NME1: variants seen among roughly 807,000 people sequenced by gnomAD.
NME1 encodes the protein NME/NM23 nucleoside diphosphate kinase 1.
In NME1, 9 loss-of-function variants were observed where a neutral mutation model predicts 17.2. The observed-to-expected ratio is 0.52, with a 90% CI of 0.32 to 0.92. The LOEUF is 0.92. NME1 is among the 40% of genes least tolerant of loss of function. The pLI, the probability that NME1 is intolerant of heterozygous loss-of-function variation, is 0.04. For missense variants in NME1, 169 were observed against 201.7 expected, an observed-to-expected ratio of 0.84 and a Z score of 0.98; for synonymous variants, 72 against 70.8, an observed-to-expected ratio of 1.02 and a Z score of -0.09.
rs766908892 is a variant in NME1, at chr17:51,161,245, G to A, written c.314G>A (p.Arg105His). The A allele has an allele frequency of 3.7e-6, 6 of 1,611,982 alleles. No homozygotes were observed. In the Admixed American group the frequency reaches 5.0e-5, roughly 14 times the overall value. Residue 105 changes from arginine to histidine, a missense_variant, in exon 4 of 5, where the codon CGT becomes CAT. Arg to His is a conservative substitution (Grantham distance 29, BLOSUM62 0). Transcript: ENST00000393196. ...GCAGACTCCAAGCCTGGGACCATCC[G>A]TGGAGACTTCTGCATACAAGTTGGC... ...NPADSKPGTI[R>H]GDFCIQVGRN...
At chr17:51,161,031 A>C (rs938717321) in intron 3 of NME1, 129 bp from the exon 4 acceptor site, 3 of 938,956 alleles carry the variant, frequency 3.2e-6, no homozygotes, top group Non-Finnish European at 5.1e-6. Flanking sequence ...ATACTCTATA[A>C]ACATTTGTTC....
intron 1 of NME1, among the ~76,000 whole-genome samples, chr17:51,154,978 G>T (rs117952228): frequency 6.6e-6 from 1 of 152,106 alleles, no homozygotes; most frequent in African/African-American, 2.4e-5. Flanking sequence ...TGGGGCTCAC[G>T]CCTTTAATCC....
chr17:51,156,080 TGA>T, intron 2 of NME1: 1 of 368,054 alleles, frequency 2.7e-6, no homozygotes, highest in East Asian at 6.9e-5. Context: ...TGAGCATGTT[TGA>T]GTTCTTGGTC....
In NME1 at chr17:51,161,976, A is replaced by T. The variant is rs1183047082; in HGVS notation, c.*131A>T. On this transcript the variant is annotated 3_prime_UTR_variant, in exon 5 of 5. Coordinates refer to ENST00000393196, the MANE Select transcript of NME1 (RefSeq NM_000269.3). ...TTGGAGGGAAGCTCTTGGAGCTGTG[A>T]GTTCTCCCTGTACAGTGTTACCATC... The T allele has an allele frequency of 7.0e-6, 5 of 718,682 alleles. No individual in the cohort carries two copies. The highest frequency in any genetic ancestry group is 1.7e-5 in the African/African-American group (1 of 57,980). 44.5% of individuals were successfully genotyped at this position (718,682 alleles called of 1,614,324 possible).
Position 51,161,894 on chromosome 17 carries a change from A to G in NME1, c.*49A>G, listed in dbSNP as rs1342162741. ...TTCACATCCATTTCCCCTCCTTCCC[A>G]TGGGCAGAGGACCAGGCTGTAGGAA... On this transcript the variant is annotated 3_prime_UTR_variant, in exon 5 of 5. Transcript: ENST00000393196. The G allele has an allele frequency of 8.5e-7, 1 of 1,176,396 alleles. No individual in the cohort carries two copies. Among genetic ancestry groups the G allele is most frequent in the Non-Finnish European group, 1.3e-6 (1 of 782,192 alleles). The allele number at this position is 1,176,396 out of a possible 1,614,324, so 72.9% of individuals were successfully genotyped here.
Position 51,155,776 on chromosome 17 carries a change from T to A in NME1, c.122T>A (p.Met41Lys). Residue 41 changes from methionine (M) to lysine (K), a missense_variant, in exon 2 of 5, where the codon ATG (methionine) becomes AAG (lysine). Transcript: ENST00000393196. ...TTCCGCCTTGTTGGTCTGAAATTCA[T>A]GCAAGTAAGTGGACTTCATTGTTCC... ...KGFRLVGLKF[M>K]QASEDLLKEH... 6.2e-7 allele frequency: 1 copy of A among 1,613,690 alleles called. No individual in the cohort carries two copies. The highest frequency in any genetic ancestry group is 8.5e-7 in the Non-Finnish European group (1 of 1,179,698).
intron 3 of NME1, chr17:51,160,679 G>A (rs548717092): frequency 1.2e-3 from 292 of 241,690 alleles, no homozygotes; most frequent in Non-Finnish European, 1.9e-3. Flanking sequence ...GTGCCATCTC[G>A]TCTCACCGCA....
chr17:51,155,133 A>G (rs116898503), intron 1 of NME1, among the ~76,000 whole-genome samples: 7,745 of 151,530 alleles, frequency 0.051, 270 homozygotes, highest in Non-Finnish European at 0.075. Context: ...AGTCCCAGCT[A>G]TTTAGGAGGT....
chr17:51,157,743 TAC>T (rs2049807624), intron 2 of NME1, among the ~76,000 whole-genome samples: 1 of 152,184 alleles, frequency 6.6e-6, no homozygotes, highest in Admixed American at 6.6e-5. Context: ...CCTGATAGCA[TAC>T]AGTGATGCCA....
At position 51,160,030 on chromosome 17, in the gene NME1, A is replaced by G; in HGVS notation, c.177A>G (p.Pro59=). 1.2e-6 allele frequency: 2 copies of G among 1,614,120 alleles called. No individual in the cohort carries two copies. The highest frequency in any genetic ancestry group is 1.6e-4 in the Middle Eastern group (1 of 6,062). Residue 59 remains proline (P), a synonymous_variant, in exon 3 of 5, where the codon CCA becomes CCG. Transcript: ENST00000393196. ...KEHYVDLKDR[P]FFAGLVKYMH... is the part of the protein sequence containing the mutation. The stretch of plus-strand genomic sequence containing the variant: ...ACTACGTTGACCTGAAGGACCGTCC[A>G]TTCTTTGCCGGCCTGGTGAAATACA...
intron 3 of NME1, chr17:51,160,684 A>G (rs1407542917): frequency 8.3e-6 from 2 of 241,974 alleles, no homozygotes; most frequent in African/African-American, 4.8e-5. Context: ...ATCTCGTCTC[A>G]CCGCAAGCTC....
intron 3 of NME1, chr17:51,160,311 TGATCTGAATGACAAGAAGCAGC>T (rs1320242777): frequency 4.1e-5 from 25 of 615,216 alleles, no homozygotes; most frequent in East Asian, 3.4e-4. Context: ...TTTTAAGCTG[TGATCTGAATGACAAGAAGCAGC>T]GATCTGAATG....
Position 51,162,121 on chromosome 17 carries a change from G to A in NME1, c.*276G>A, listed in dbSNP as rs183397116. The A allele has an allele frequency of 2.5e-4, 97 of 391,786 alleles. No homozygotes were observed. The East Asian group carries it at 5.0e-3, about 20-fold the overall frequency. 24.3% of individuals were successfully genotyped at this position (391,786 alleles called of 1,614,324 possible). On this transcript the variant is annotated 3_prime_UTR_variant, in exon 5 of 5. Transcript: ENST00000393196. ...GTACACTGAATAACCTGACCTAATA[G>A]AGAGTGTAAATACTATAAAAATGAT...
At chr17:51,156,852 T>C (rs1039097279) in intron 2 of NME1, among the ~76,000 whole-genome samples, 4 of 148,992 alleles carry the variant, frequency 2.7e-5, no homozygotes, top group Middle Eastern at 3.5e-3. Context: ...GATCGCATCA[T>C]TGCACTCCAG....
At chr17:51,158,544 CA>C (rs1381172800) in intron 2 of NME1, among the ~76,000 whole-genome samples, 1 of 152,210 alleles carries the variant, frequency 6.6e-6, no homozygotes, top group East Asian at 1.9e-4. Flanking sequence ...ACTTCCACAA[CA>C]AAAGTCTTCC....
At chr17:51,159,941 G>T in intron 2 of NME1, 39 bp from the exon 3 acceptor site, 1 of 1,610,208 alleles carries the variant, frequency 6.2e-7, no homozygotes, top group Non-Finnish European at 8.5e-7. Flanking sequence ...GTCCTTAGAT[G>T]GTTTGGGGGT....
Position 51,161,840 on chromosome 17 carries a change from G to C in NME1, c.454G>C (p.Glu152Gln), listed in dbSNP as rs189685744. 61 of 1,603,366 alleles carry C rather than the reference G, an allele frequency of 3.8e-5. No homozygotes were observed. In the African/African-American group the frequency reaches 6.1e-4, roughly 16 times the overall value. Residue 152 changes from glutamate to glutamine, a missense_variant, in exon 5 of 5, where the codon GAA becomes CAA. Transcript: ENST00000393196. ...YTSCAQNWIY[E>Q] ...GAGCTGTGCTCAGAACTGGATCTAT[G>C]AATGACAGGAGGGCAGACCACATTG...
In NME1 at chr17:51,161,891, C is replaced by G. The variant is rs199957919; in HGVS notation, c.*46C>G. ...CTTTTCACATCCATTTCCCCTCCTT[C>G]CCATGGGCAGAGGACCAGGCTGTAG... On this transcript the variant is annotated 3_prime_UTR_variant, in exon 5 of 5. Coordinates refer to ENST00000393196, the MANE Select transcript of NME1 (RefSeq NM_000269.3). 3.3e-6 allele frequency: 4 copies of G among 1,220,850 alleles called. No individual in the cohort carries two copies. The highest frequency in any genetic ancestry group is 4.9e-6 in the Non-Finnish European group (4 of 822,706). 75.6% of individuals were successfully genotyped at this position (1,220,850 alleles called of 1,614,324 possible). A position where few individuals can be genotyped will look rare whatever the true frequency, so the allele number is the denominator to read the frequency against.
chr17:51,155,968 G>A (rs1443545436), intron 2 of NME1, 188 bp downstream of exon 2: 12 of 820,638 alleles, frequency 1.5e-5, no homozygotes, highest in Non-Finnish European at 2.0e-5. Flanking sequence ...AAGTTATTTA[G>A]GATTTTCCAA....
Sources: allele counts gnomAD v4.1 joint callset (sites outside exome capture counted in the v4.1 genomes callset), GRCh38; gene constraint gnomAD v4.1.1; transcripts MANE v1.5; gene names NCBI Gene and HGNC (gene_info 2026-07-23, HGNC 2026-07-21).